The following TENM3 variants were observed in gnomAD, a reference collection of about 807,000 sequenced individuals.
The protein encoded by TENM3 is teneurin-3.
A neutral mutation model predicts 255.1 loss-of-function variants in TENM3; 63 were observed. The observed-to-expected ratio is 0.25, with a 90% CI of 0.20 to 0.30. The LOEUF (loss-of-function observed/expected upper bound fraction) is 0.30. TENM3 is among the 10% of genes least tolerant of loss of function. TENM3 has a pLI of 1.00. For missense variants in TENM3, 2,929 were observed against 3,461.1 expected, an observed-to-expected ratio of 0.85 and a Z score of 3.86; for synonymous variants, 1,306 against 1,322.3, an observed-to-expected ratio of 0.99 and a Z score of 0.27.
the TENM3 span, among the ~76,000 whole-genome samples, chr4:181,673,860 G>A: frequency 0.045 from 6,785 of 149,564 alleles, 207 homozygotes; most frequent in Non-Finnish European, 0.071. Context: ...GTGTGTGTGT[G>A]TGTGTGTGTG....
At chr4:182,215,589 T>C (rs565806345) in intron 1 of TENM3, among the ~76,000 whole-genome samples, 1 of 152,228 alleles carries the variant, frequency 6.6e-6, no homozygotes, top group South Asian at 2.1e-4. Context: ...GAGTGGCAAA[T>C]TGGAATCAAT....
chr4:182,290,754 C>T (rs548263442), intron 1 of TENM3, among the ~76,000 whole-genome samples: 13 of 151,656 alleles, frequency 8.6e-5, no homozygotes, highest in Middle Eastern at 3.5e-3. Context: ...CCGCCTGCCT[C>T]GGCCTCCCAA....
chr4:181,965,516 G>C, the TENM3 span, among the ~76,000 whole-genome samples: 1 of 152,096 alleles, frequency 6.6e-6, no homozygotes, highest in Non-Finnish European at 1.5e-5. Context: ...TCACAGATGA[G>C]GATGCTTATT....
At chr4:182,006,829 A>G in the TENM3 span, among the ~76,000 whole-genome samples, 1 of 152,056 alleles carries the variant, frequency 6.6e-6, no homozygotes, top group African/African-American at 2.4e-5. Flanking sequence ...TACAGTGTCA[A>G]TTTGAGATTC....
intron 1 of TENM3, chr4:182,190,420 G>A (rs945719786): frequency 3.9e-5 from 6 of 152,136 alleles, no homozygotes; most frequent in African/African-American, 1.2e-4. Flanking sequence ...GCTAACAGCC[G>A]GATACAAGTA....
the TENM3 span, among the ~76,000 whole-genome samples, chr4:181,453,774 TA>T: frequency 6.6e-6 from 1 of 152,146 alleles, no homozygotes; most frequent in Non-Finnish European, 1.5e-5. Context: ...GTTAGTCCTG[TA>T]GGGATGCCTG....
At chr4:181,533,360 C>A in the TENM3 span, among the ~76,000 whole-genome samples, 1 of 152,184 alleles carries the variant, frequency 6.6e-6, no homozygotes, top group Non-Finnish European at 1.5e-5. Flanking sequence ...TTCACTCATT[C>A]ATGCACAAAT....
chr4:181,829,298 G>A, the TENM3 span, among the ~76,000 whole-genome samples: 4 of 152,186 alleles, frequency 2.6e-5, no homozygotes, highest in Non-Finnish European at 4.4e-5. Context: ...CAGTGTTTCA[G>A]GAAGTGCAGC....
the TENM3 span, among the ~76,000 whole-genome samples, chr4:182,070,366 C>T: frequency 6.6e-6 from 1 of 152,208 alleles, no homozygotes; most frequent in Non-Finnish European, 1.5e-5. Context: ...CACCTGTAAT[C>T]CCAGCCCTTT....
chr4:182,616,886 C>A (rs1428787006), intron 4 of TENM3, among the ~76,000 whole-genome samples: 3 of 152,064 alleles, frequency 2.0e-5, no homozygotes, highest in Non-Finnish European at 4.4e-5. Context: ...TCTATGGGGG[C>A]TTTTTCTTTA....
chr4:182,096,067 C>T, the TENM3 span, among the ~76,000 whole-genome samples: 3 of 149,182 alleles, frequency 2.0e-5, no homozygotes, highest in South Asian at 2.1e-4. Flanking sequence ...GAGGTCAAGA[C>T]GACAGTGAGC....
At chr4:182,554,088 A>G (rs1311694530) in intron 3 of TENM3, among the ~76,000 whole-genome samples, 1 of 152,194 alleles carries the variant, frequency 6.6e-6, no homozygotes, top group Non-Finnish European at 1.5e-5. Context: ...ACAAAAATTT[A>G]TTCCTTAGCT....
chr4:182,799,702 A>G lies in TENM3; in HGVS notation c.7451A>G (p.Gln2484Arg), dbSNP rs1447141815. 2.6e-6 allele frequency: 4 copies of G among 1,550,410 alleles called. No individual in the cohort carries two copies. In the African/African-American group the frequency reaches 4.1e-5, roughly 16 times the overall value. The change falls in exon 28 of 28, where the codon CAG becomes CGG. Residue 2484 changes from glutamine to arginine, a missense_variant. By Grantham distance (43) the Gln-to-Arg change is conservative. This residue lies in a region of TENM3 where 476 missense variants were observed against 480.1 expected (regional missense o/e 0.99). Transcript: ENST00000511685. The surrounding 1 kb of genome is among the most constrained non-coding windows in gnomAD (Gnocchi z 4.2). ...QVSRRRAGGAQSWLWFATVKS... is the reference protein window; with the variant it reads ...QVSRRRAGGARSWLWFATVKS... ...AGCCGGCGCCGGGCCGGCGGCGCGC[A>G]GTCCTGGCTGTGGTTCGCCACGGTC...
chr4:182,171,888 G>C (rs890672170), intron 1 of TENM3, among the ~76,000 whole-genome samples: 1 of 151,378 alleles, frequency 6.6e-6, no homozygotes, highest in Non-Finnish European at 1.5e-5. Context: ...CGAATATATA[G>C]AAAATATTTA....
the TENM3 span, among the ~76,000 whole-genome samples, chr4:181,990,710 G>A: frequency 3.9e-5 from 6 of 152,208 alleles, no homozygotes; most frequent in East Asian, 9.7e-4. Flanking sequence ...GCTATTAGAA[G>A]CCACCAACAG....
intron 1 of TENM3, among the ~76,000 whole-genome samples, chr4:182,171,361 T>C (rs1191152259): frequency 6.6e-6 from 1 of 152,226 alleles, no homozygotes; most frequent in East Asian, 1.9e-4. Context: ...TTTCAATCCC[T>C]TTCCCTAATA....
At chr4:182,650,813 G>C (rs1479548672) in intron 5 of TENM3, among the ~76,000 whole-genome samples, 2 of 134,182 alleles carry the variant, frequency 1.5e-5, no homozygotes, top group Non-Finnish European at 3.4e-5. Context: ...TAATATTTCT[G>C]GATATGAGTC....
the TENM3 span, among the ~76,000 whole-genome samples, chr4:181,582,789 C>G: frequency 6.6e-5 from 10 of 152,248 alleles, no homozygotes; most frequent in African/African-American, 2.4e-4. Context: ...AGGACTGCCC[C>G]CTACTGGTAG....
At chr4:182,089,690 C>G in the TENM3 span, among the ~76,000 whole-genome samples, 1 of 152,088 alleles carries the variant, frequency 6.6e-6, no homozygotes, top group Non-Finnish European at 1.5e-5. Context: ...GATACCAGGT[C>G]CTGGGTATAG....
Sources: gnomAD v4.1 joint callset for allele counts (sites outside exome capture counted in the v4.1 genomes callset) on GRCh38, gnomAD v4.1.1 for gene constraint, gnomAD v4.1.1 regional missense constraint, Gnocchi (gnomAD v3.1) non-coding constraint, MANE v1.5 for transcripts, NCBI Gene and HGNC (gene_info 2026-07-23, HGNC 2026-07-21) for gene names.